Variants in AGBL3 observed in about 807,000 individuals in gnomAD.
The protein encoded by AGBL3 is cytosolic carboxypeptidase 3.
A neutral mutation model predicts 94.5 loss-of-function variants in AGBL3; 68 were observed. That is an observed-to-expected ratio of 0.72 (90% CI 0.59 to 0.88). AGBL3 has a LOEUF of 0.88. Among genes scored for constraint, AGBL3 ranks in the 40% least tolerant of loss-of-function variants. AGBL3 has a pLI of 0.00. For synonymous variants in AGBL3, 354 were observed against 370.7 expected, an observed-to-expected ratio of 0.95 and a Z score of 0.52; for missense variants, 934 against 1,103.8, an observed-to-expected ratio of 0.85 and a Z score of 2.18.
chr7:135,061,800 T>G (rs7809191), intron 12 of AGBL3, among the ~76,000 whole-genome samples: 73,637 of 151,830 alleles, frequency 0.48, 18,218 homozygotes, highest in South Asian at 0.66. Context: ...TAGTATATTT[T>G]AAAGTCAGAC....
intron 4 of AGBL3, among the ~76,000 whole-genome samples, chr7:135,006,805 T>G (rs1373361812): frequency 6.6e-6 from 1 of 151,904 alleles, no homozygotes; most frequent in African/African-American, 2.4e-5. Flanking sequence ...TTTAAAGGCT[T>G]GAATATTACC....
intron 15 of AGBL3, among the ~76,000 whole-genome samples, chr7:135,106,054 T>C (rs951256138): frequency 1.3e-5 from 2 of 152,216 alleles, no homozygotes; most frequent in African/African-American, 2.4e-5. Flanking sequence ...TGTTGGTATA[T>C]AGGAATGCCA....
chr7:135,125,509 T>C (rs1286474741), intron 16 of AGBL3, among the ~76,000 whole-genome samples: 5 of 151,960 alleles, frequency 3.3e-5, no homozygotes, highest in Non-Finnish European at 5.9e-5. Flanking sequence ...CTCCAAACAA[T>C]TGAAAAGGAG....
chr7:135,047,488 TC>T (rs1369574045), intron 11 of AGBL3, among the ~76,000 whole-genome samples: 1 of 152,014 alleles, frequency 6.6e-6, no homozygotes, highest in Non-Finnish European at 1.5e-5. Flanking sequence ...TGTTTTGTAT[TC>T]CCACCATAGT....
intron 12 of AGBL3, among the ~76,000 whole-genome samples, chr7:135,064,578 G>A (rs1036081583): frequency 1.3e-5 from 2 of 152,184 alleles, no homozygotes; most frequent in African/African-American, 4.8e-5. Context: ...GGAATGAGAA[G>A]TGATTAGATT....
At chr7:135,109,920 C>A (rs1478250939) in intron 15 of AGBL3, among the ~76,000 whole-genome samples, 1 of 152,172 alleles carries the variant, frequency 6.6e-6, no homozygotes, top group East Asian at 1.9e-4. Flanking sequence ...TGAACCACTG[C>A]CAGCTGGAAA....
At chr7:135,110,763 C>G (rs1283695657) in intron 15 of AGBL3, among the ~76,000 whole-genome samples, 1 of 152,192 alleles carries the variant, frequency 6.6e-6, no homozygotes, top group Non-Finnish European at 1.5e-5. Flanking sequence ...GCGACAAATG[C>G]AAGCTCCATC....
At position 135,135,652 on chromosome 7, in the gene AGBL3, C is replaced by T. The variant is rs550872768; in HGVS notation, c.*391C>T. On this transcript the variant is annotated 3_prime_UTR_variant, in exon 17 of 17. Transcript: ENST00000436302. Reference sequence around the variant, plus strand: ...CTACTAGACACTTTAATCAATTAGTCAACAAACATCATTTCCTGATTTTCT... The same window carrying T: ...CTACTAGACACTTTAATCAATTAGTTAACAAACATCATTTCCTGATTTTCT... 302 of 156,300 alleles carry T rather than the reference C, an allele frequency of 1.9e-3. No homozygotes were observed. The highest frequency in any genetic ancestry group is 9.8e-3 in the Middle Eastern group (3 of 306). 9.7% of individuals were successfully genotyped at this position (156,300 alleles called of 1,614,324 possible). A position where few individuals can be genotyped will look rare whatever the true frequency, so the allele number is the denominator to read the frequency against.
At chr7:135,020,976 G>A (rs1814370284) in intron 5 of AGBL3, among the ~76,000 whole-genome samples, 1 of 151,264 alleles carries the variant, frequency 6.6e-6, no homozygotes, top group African/African-American at 2.4e-5. Flanking sequence ...GTTAATGGGT[G>A]CAGCACACCA....
In AGBL3 at chr7:135,064,399, G is replaced by A. The variant is rs1190263970; in HGVS notation, c.1908+5164G>A. Among the ~76,000 whole-genome samples the A allele has an allele frequency of 3.9e-5, 6 of 152,208 alleles. No individual in the cohort carries two copies. In the South Asian group the frequency reaches 1.2e-3, roughly 31 times the overall value. On this transcript the variant is annotated intron_variant, in intron 12 of 16. Coordinates refer to ENST00000436302, the MANE Select transcript of AGBL3 (RefSeq NM_178563.4). ...CTTCAGTTTTTGCTCTGAGTTTGGA[G>A]ATCTTTGATCAGAGGAATGACATGA...
intron 4 of AGBL3, among the ~76,000 whole-genome samples, chr7:135,014,900 G>A (rs1269245557): frequency 1.3e-5 from 2 of 152,182 alleles, no homozygotes; most frequent in African/African-American, 4.8e-5. Context: ...CACAGCTCGA[G>A]TTTGCAGCTT....
chr7:135,077,552 A>C (rs1563243138), intron 13 of AGBL3, among the ~76,000 whole-genome samples: 1 of 152,168 alleles, frequency 6.6e-6, no homozygotes, highest in Non-Finnish European at 1.5e-5. Flanking sequence ...AGTTAAGCTT[A>C]AGGACAGTCT....
chr7:135,135,210 T>C lies in AGBL3; in HGVS notation c.2712T>C (p.Asn904=). Residue 904 remains asparagine (N), a synonymous_variant, in exon 17 of 17, where the codon AAT becomes AAC. Coordinates refer to ENST00000436302, the MANE Select transcript of AGBL3 (RefSeq NM_178563.4). The part of the protein sequence containing the change: ...HLTKNKDEQA[N]KNDGQPTLYL... ...CTAAAAATAAGGATGAGCAGGCCAA[T>C]AAGAATGATGGACAACCCACCTTAT... The C allele has an allele frequency of 6.5e-7, 1 of 1,545,116 alleles. No homozygotes were observed. Among genetic ancestry groups the C allele is most frequent in the Non-Finnish European group, 8.7e-7 (1 of 1,144,692 alleles).
chr7:135,012,754 T>G (rs1301193160), intron 4 of AGBL3, among the ~76,000 whole-genome samples: 1 of 152,138 alleles, frequency 6.6e-6, no homozygotes, highest in Admixed American at 6.6e-5. Context: ...AAAAAAATCC[T>G]TGACCTCTAC....
chr7:135,004,554 T>C (rs1812144164), intron 4 of AGBL3, among the ~76,000 whole-genome samples: 1 of 151,662 alleles, frequency 6.6e-6, no homozygotes, highest in Admixed American at 6.6e-5. Context: ...ACAGAGAATA[T>C]TGTTATTATA....
chr7:135,021,975 T>C (rs527284779), intron 5 of AGBL3, among the ~76,000 whole-genome samples: 23 of 152,312 alleles, frequency 1.5e-4, no homozygotes, highest in African/African-American at 5.5e-4. Context: ...GCTTCATCCA[T>C]GTCCCTGCAA....
intron 8 of AGBL3, among the ~76,000 whole-genome samples, chr7:135,039,461 A>G (rs1816629702): frequency 6.6e-6 from 1 of 152,202 alleles, no homozygotes; most frequent in Admixed American, 6.5e-5. Flanking sequence ...TAGGCTGGGT[A>G]CAATGGCTCA....
Position 135,034,283 on chromosome 7 carries a change from C to G in AGBL3, c.692C>G (p.Pro231Arg), listed in dbSNP as rs1038773538. The G allele has an allele frequency of 5.8e-6, 9 of 1,551,754 alleles. No homozygotes were observed. In the Admixed American group the frequency reaches 1.8e-4, roughly 30 times the overall value. Reference sequence around the variant, plus strand: ...TTCACTATTGTCAACTTCACCAAACCTGCTAGTCTTTACAGTCGGGGTATG... The same window carrying G: ...TTCACTATTGTCAACTTCACCAAACGTGCTAGTCTTTACAGTCGGGGTATG... Reference protein sequence around the residue: ...YRFTIVNFTKPASLYSRGMRP... With the variant: ...YRFTIVNFTKRASLYSRGMRP... Residue 231 changes from proline to arginine, a missense_variant, in exon 7 of 17, where the codon CCT (proline) becomes CGT (arginine). This residue lies in a region of AGBL3 where 488 missense variants were observed against 563.6 expected (regional missense o/e 0.87). Transcript: ENST00000436302.
At chr7:135,094,506 G>T (rs1358766387) in intron 15 of AGBL3, 1 of 456,528 alleles carries the variant, frequency 2.2e-6, no homozygotes, top group African/African-American at 2.0e-5. Context: ...GTCTTGTCTG[G>T]AGCTTCATTT....
Sources: allele counts gnomAD v4.1 joint callset (sites outside exome capture counted in the v4.1 genomes callset), GRCh38; gene constraint gnomAD v4.1.1; regional missense constraint gnomAD v4.1.1; transcripts MANE v1.5; gene names NCBI Gene and HGNC (gene_info 2026-07-23, HGNC 2026-07-21).